CNTN5: variants seen among roughly 807,000 people sequenced by gnomAD.
CNTN5 encodes contactin 5.
In CNTN5, 77 loss-of-function variants were observed where a neutral mutation model predicts 129.1. The ratio of observed to expected loss-of-function variants is 0.60; its 90% CI spans 0.50 to 0.72. CNTN5 has a LOEUF of 0.72. Among genes scored for constraint, CNTN5 ranks in the 30% least tolerant of loss-of-function variants. The pLI, the probability that CNTN5 is intolerant of heterozygous loss-of-function variation, is 0.00. For missense variants in CNTN5, 1,478 were observed against 1,328.8 expected, an observed-to-expected ratio of 1.11 and a Z score of -1.75; for synonymous variants, 509 against 465.6, an observed-to-expected ratio of 1.09 and a Z score of -1.20.
chr11:99,089,986 C>T (rs544361204), intron 1 of CNTN5, among the ~76,000 whole-genome samples: 14 of 152,244 alleles, frequency 9.2e-5, no homozygotes, highest in African/African-American at 2.6e-4. Flanking sequence ...GAATCTGGAA[C>T]GTACCTAAGG....
intron 3 of CNTN5, among the ~76,000 whole-genome samples, chr11:99,710,328 TAA>T (rs1412828077): frequency 1.8e-4 from 28 of 151,956 alleles, no homozygotes; most frequent in Admixed American, 9.8e-4. Context: ...CTCCAGGATA[TAA>T]GTGAATTCAG....
At chr11:99,815,417 G>A (rs747637754) in intron 3 of CNTN5, among the ~76,000 whole-genome samples, 10 of 152,156 alleles carry the variant, frequency 6.6e-5, no homozygotes, top group Non-Finnish European at 1.3e-4. Flanking sequence ...GGGCAGCTAA[G>A]AGGGCACCAA....
At chr11:100,248,036 C>T (rs1949884546) in intron 16 of CNTN5, among the ~76,000 whole-genome samples, 1 of 152,132 alleles carries the variant, frequency 6.6e-6, no homozygotes. Flanking sequence ...TGATTGATTG[C>T]CATGCCTGCT....
intron 3 of CNTN5, among the ~76,000 whole-genome samples, chr11:99,707,275 A>G (rs1162228516): frequency 1.3e-5 from 2 of 151,590 alleles, no homozygotes; most frequent in Admixed American, 6.6e-5. Flanking sequence ...GTGACATGTC[A>G]TAAAGGCCAA....
chr11:99,257,961 A>C (rs974317918), intron 1 of CNTN5, among the ~76,000 whole-genome samples: 4 of 152,040 alleles, frequency 2.6e-5, no homozygotes, highest in Non-Finnish European at 4.4e-5. Flanking sequence ...GACTCACCAA[A>C]GGTCCCACAG....
intron 2 of CNTN5, among the ~76,000 whole-genome samples, chr11:99,365,790 G>A (rs750106864): frequency 2.0e-5 from 3 of 152,076 alleles, no homozygotes; most frequent in Non-Finnish European, 4.4e-5. Flanking sequence ...GATATATTAT[G>A]CTATTTTTGA....
At chr11:99,165,722 A>G (rs547028506) in intron 1 of CNTN5, among the ~76,000 whole-genome samples, 1 of 152,224 alleles carries the variant, frequency 6.6e-6, no homozygotes, top group Non-Finnish European at 1.5e-5. Flanking sequence ...AGTGCTTTCC[A>G]TGGTTAATGT....
At chr11:99,550,356 A>G (rs1948441686) in intron 2 of CNTN5, among the ~76,000 whole-genome samples, 1 of 152,148 alleles carries the variant, frequency 6.6e-6, no homozygotes, top group Non-Finnish European at 1.5e-5. Context: ...CTTTGGCCAC[A>G]TTTTGTTATC....
At chr11:99,355,305 A>G (rs1280571148) in intron 2 of CNTN5, among the ~76,000 whole-genome samples, 1 of 152,192 alleles carries the variant, frequency 6.6e-6, no homozygotes, top group Non-Finnish European at 1.5e-5. Flanking sequence ...AGCCTATAGA[A>G]CATATGTCCT....
intron 1 of CNTN5, among the ~76,000 whole-genome samples, chr11:99,268,553 G>A (rs901498100): frequency 6.6e-6 from 1 of 151,862 alleles, no homozygotes; most frequent in Non-Finnish European, 1.5e-5. Context: ...CCTGAAAGGT[G>A]TTTATTCATT....
At chr11:99,782,598 C>T (rs944134449) in intron 3 of CNTN5, among the ~76,000 whole-genome samples, 43 of 151,856 alleles carry the variant, frequency 2.8e-4, no homozygotes, top group Non-Finnish European at 4.4e-4. Flanking sequence ...CTACAGTAAC[C>T]AAAACAGCAT....
chr11:99,206,818 T>G (rs544912202), intron 1 of CNTN5, among the ~76,000 whole-genome samples: 2 of 152,262 alleles, frequency 1.3e-5, no homozygotes, highest in African/African-American at 4.8e-5. Context: ...TTTAGCAAAA[T>G]AGTAGAATTT....
intron 17 of CNTN5, among the ~76,000 whole-genome samples, chr11:100,260,332 C>T (rs1192949724): frequency 6.6e-6 from 1 of 152,142 alleles, no homozygotes; most frequent in East Asian, 1.9e-4. Context: ...AAGCCCAGGA[C>T]CAGACAGATT....
In CNTN5 at chr11:99,927,022, A is replaced by G. The variant is rs367890389; in HGVS notation, c.673+10873A>G. 3.9e-3 allele frequency among the ~76,000 whole-genome samples: 589 copies of G among 152,304 alleles called. 1 individual carries two copies. Among genetic ancestry groups the G allele is most frequent in the African/African-American group, 0.013 (550 of 41,566 alleles). ...GTGTAATTGAGTGAGACTAATTTTA[A>G]AAGTAATCAATTAGTCATTATTATG... On this transcript the variant is annotated intron_variant, in intron 7 of 24. Coordinates refer to ENST00000524871, the MANE Select transcript of CNTN5 (RefSeq NM_014361.4).
chr11:99,809,432 AT>A (rs1946366541), intron 3 of CNTN5, among the ~76,000 whole-genome samples: 1 of 152,274 alleles, frequency 6.6e-6, no homozygotes, highest in South Asian at 2.1e-4. Context: ...TTACCTTTTA[AT>A]GTGGGATATA....
At chr11:99,786,934 G>A (rs921819351) in intron 3 of CNTN5, among the ~76,000 whole-genome samples, 7 of 152,168 alleles carry the variant, frequency 4.6e-5, no homozygotes, top group African/African-American at 1.4e-4. Context: ...GAATCGATAC[G>A]CTATTTGCTA....
In CNTN5 at chr11:99,888,266, T is replaced by A. The variant is rs937749981; in HGVS notation, c.578-27788T>A. 7.9e-5 allele frequency among the ~76,000 whole-genome samples: 12 copies of A among 152,350 alleles called. No individual in the cohort carries two copies. The Middle Eastern group carries it at 0.01, about 130-fold the overall frequency. On this transcript the variant is annotated intron_variant, in intron 6 of 24. Coordinates refer to ENST00000524871, the MANE Select transcript of CNTN5 (RefSeq NM_014361.4). ...AAGGAGAAGGGATGTACAGCCACAG[T>A]GCAAGCAAGTTGCAACCCACCTCAC...
intron 3 of CNTN5, among the ~76,000 whole-genome samples, chr11:99,646,193 G>C (rs1951953439): frequency 6.6e-6 from 1 of 152,122 alleles, no homozygotes; most frequent in Non-Finnish European, 1.5e-5. Context: ...TCATGTCTAT[G>C]TACAATCACT....
chr11:99,813,156 G>C (rs1946481151), intron 3 of CNTN5, among the ~76,000 whole-genome samples: 1 of 152,060 alleles, frequency 6.6e-6, no homozygotes, highest in African/African-American at 2.4e-5. Context: ...AAAAATATCA[G>C]TGAAGGTTGA....
Sources: allele counts gnomAD v4.1 joint callset (sites outside exome capture counted in the v4.1 genomes callset), GRCh38; gene constraint gnomAD v4.1.1; transcripts MANE v1.5; gene names NCBI Gene and HGNC (gene_info 2026-07-23, HGNC 2026-07-21).